The following L3MBTL4 variants were observed in gnomAD, a reference collection of about 807,000 sequenced individuals.
The protein encoded by L3MBTL4 is lethal(3)malignant brain tumor-like protein 4.
Under a neutral mutation model 84.5 loss-of-function variants are expected in L3MBTL4, and 70 were observed. The ratio of observed to expected loss-of-function variants is 0.83; its 90% CI spans 0.68 to 1.01. The LOEUF is 1.01. Ranked by LOEUF, L3MBTL4 falls within the 50% of genes least tolerant of loss-of-function variation. The pLI, the probability that L3MBTL4 is intolerant of heterozygous loss-of-function variation, is 0.00. For missense variants in L3MBTL4, 715 were observed against 754.8 expected, an observed-to-expected ratio of 0.95 and a Z score of 0.62; for synonymous variants, 274 against 259.8, an observed-to-expected ratio of 1.05 and a Z score of -0.52.
chr18:6,117,482 A>G (rs2059393890), intron 14 of L3MBTL4, among the ~76,000 whole-genome samples: 1 of 152,214 alleles, frequency 6.6e-6, no homozygotes, highest in Non-Finnish European at 1.5e-5. Context: ...AACTGATTTG[A>G]GTGGATAATT....
At chr18:6,237,060 T>A (rs973536667) in intron 10 of L3MBTL4, among the ~76,000 whole-genome samples, 1 of 152,222 alleles carries the variant, frequency 6.6e-6, no homozygotes, top group Non-Finnish European at 1.5e-5. Context: ...CCTGTATTTC[T>A]AATTCATTTT....
chr18:6,006,088 G>A (rs1359162326), intron 16 of L3MBTL4, among the ~76,000 whole-genome samples: 2 of 151,952 alleles, frequency 1.3e-5, no homozygotes, highest in African/African-American at 2.4e-5. Flanking sequence ...TGAATTTTAT[G>A]TCTAAGTTGT....
intron 16 of L3MBTL4, among the ~76,000 whole-genome samples, chr18:5,996,147 C>T (rs1318778979): frequency 3.3e-5 from 5 of 152,166 alleles, no homozygotes; most frequent in African/African-American, 2.4e-5. Context: ...TAGTAATTCT[C>T]GACAGCTAAA....
intron 12 of L3MBTL4, 66 bp downstream of exon 12, chr18:6,213,083 G>A (rs2046178038): frequency 3.6e-6 from 3 of 824,954 alleles, no homozygotes; most frequent in Non-Finnish European, 5.6e-6. Flanking sequence ...GAATGGGAGG[G>A]TAGAGGAAAC....
At chr18:6,397,180 TC>T (rs1400331365) in intron 1 of L3MBTL4, 6 of 152,152 alleles carry the variant, frequency 3.9e-5, no homozygotes, top group African/African-American at 7.2e-5. Context: ...GCATGTCACA[TC>T]TTGAGCATGC....
At chr18:6,211,916 T>C (rs1286993922) in intron 12 of L3MBTL4, among the ~76,000 whole-genome samples, 1 of 152,204 alleles carries the variant, frequency 6.6e-6, no homozygotes, top group Non-Finnish European at 1.5e-5. Context: ...CCCAAAATGC[T>C]GGGATTGCAG....
intron 10 of L3MBTL4, among the ~76,000 whole-genome samples, chr18:6,235,395 T>C (rs1301655839): frequency 6.6e-6 from 1 of 152,106 alleles, no homozygotes. Context: ...TACAGTGGCA[T>C]TTCTAATAAT....
At chr18:6,306,865 A>G (rs1207067813) in intron 3 of L3MBTL4, among the ~76,000 whole-genome samples, 2 of 152,216 alleles carry the variant, frequency 1.3e-5, no homozygotes, top group Non-Finnish European at 2.9e-5. Flanking sequence ...CTTTTGCCAC[A>G]CAGCTAATAA....
At chr18:6,109,025 C>A (rs1295510621) in intron 14 of L3MBTL4, among the ~76,000 whole-genome samples, 2 of 152,102 alleles carry the variant, frequency 1.3e-5, no homozygotes, top group African/African-American at 4.8e-5. Flanking sequence ...CAAGGAATGG[C>A]TGAATTGAGA....
At chr18:6,325,265 C>CA (rs2051655894) in intron 1 of L3MBTL4, among the ~76,000 whole-genome samples, 1 of 152,064 alleles carries the variant, frequency 6.6e-6, no homozygotes, top group African/African-American at 2.4e-5. Context: ...TAACATTACA[C>CA]AATGAAAATA....
At chr18:6,256,822 C>A (rs968835714) in intron 5 of L3MBTL4, 1 of 152,226 alleles carries the variant, frequency 6.6e-6, no homozygotes, top group Admixed American at 6.5e-5. Flanking sequence ...GACAGGAACA[C>A]CCGCCGTGGG....
At chr18:6,402,173 C>T (rs2055540030) in intron 1 of L3MBTL4, among the ~76,000 whole-genome samples, 1 of 152,158 alleles carries the variant, frequency 6.6e-6, no homozygotes, top group Non-Finnish European at 1.5e-5. Flanking sequence ...ATTTTTATCT[C>T]TTCAAAATAA....
intron 5 of L3MBTL4, chr18:6,259,451 C>A (rs1195318269): frequency 6.6e-6 from 1 of 152,162 alleles, no homozygotes; most frequent in Admixed American, 6.5e-5. Context: ...TTTTAATTTG[C>A]ATTTCTCTGA....
chr18:5,998,531 G>T (rs1427862321), intron 16 of L3MBTL4, among the ~76,000 whole-genome samples: 1 of 152,074 alleles, frequency 6.6e-6, no homozygotes, highest in Non-Finnish European at 1.5e-5. Context: ...TTAACCAAAG[G>T]GTGGTTAACA....
intron 16 of L3MBTL4, among the ~76,000 whole-genome samples, chr18:6,021,465 G>C (rs1037174517): frequency 6.6e-6 from 1 of 152,182 alleles, no homozygotes; most frequent in South Asian, 2.1e-4. Flanking sequence ...AAAGAGCTAA[G>C]ACCATGAGTC....
chr18:6,076,992 C>T (rs149391558), intron 16 of L3MBTL4, among the ~76,000 whole-genome samples: 6 of 152,094 alleles, frequency 3.9e-5, no homozygotes, highest in Admixed American at 2.0e-4. Context: ...CTCATGAATG[C>T]AAATGCACTT....
chr18:6,095,800 C>T (rs763583323), intron 14 of L3MBTL4, among the ~76,000 whole-genome samples: 4 of 152,166 alleles, frequency 2.6e-5, no homozygotes, highest in East Asian at 1.9e-4. Context: ...GGCCAGCATA[C>T]GCTTGAGTCC....
At chr18:6,139,105 A>G (rs991737506) in intron 13 of L3MBTL4, among the ~76,000 whole-genome samples, 1 of 152,120 alleles carries the variant, frequency 6.6e-6, no homozygotes, top group Non-Finnish European at 1.5e-5. Flanking sequence ...AACTGACATT[A>G]TGCTACTCTA....
intron 13 of L3MBTL4, among the ~76,000 whole-genome samples, chr18:6,167,517 T>C (rs2043735575): frequency 6.6e-6 from 1 of 152,136 alleles, no homozygotes. Flanking sequence ...GCAAGGCTGG[T>C]TCAACATACG....
Sources: allele counts gnomAD v4.1 joint callset (sites outside exome capture counted in the v4.1 genomes callset), GRCh38; gene constraint gnomAD v4.1.1; transcripts MANE v1.5; gene names NCBI Gene and HGNC (gene_info 2026-07-23, HGNC 2026-07-21).